Variants in POLR1C observed in about 807,000 individuals in gnomAD.
POLR1C encodes the protein RNA polymerase I and III subunit C, also known as DNA-directed RNA polymerases I and III subunit RPAC1.
Under a neutral mutation model 38.3 loss-of-function variants are expected in POLR1C, and 42 were observed. The ratio of observed to expected loss-of-function variants is 1.10; its 90% CI spans 0.86 to 1.42. The LOEUF (loss-of-function observed/expected upper bound fraction) is 1.42, where lower values mean the gene tolerates loss of function less well. POLR1C is among the 40% of genes most tolerant of loss of function. The probability of loss-of-function intolerance (pLI) is 0.00; values close to 1 mark genes in which losing one functional copy is unlikely to be tolerated. For missense variants in POLR1C, 507 were observed against 450.5 expected (o/e 1.13, Z -1.14); for synonymous variants, 163 against 163.9 (o/e 0.99, Z 0.04).
chr6:43,544,911 C>T (rs568060520), intron 9 of POLR1C, among the ~76,000 whole-genome samples: 2 of 152,242 alleles, frequency 1.3e-5, no homozygotes, highest in East Asian at 1.9e-4. Flanking sequence ...CTCACTCTGT[C>T]GCCCAGGCTG....
intron 10 of POLR1C, among the ~76,000 whole-genome samples, chr6:43,551,829 C>G (rs1217501931): frequency 6.6e-6 from 1 of 152,072 alleles, no homozygotes; most frequent in Non-Finnish European, 1.5e-5. Context: ...CCATGCCTGG[C>G]TAATTTTTTA....
intron 8 of POLR1C, chr6:43,527,214 C>T: frequency 4.8e-6 from 1 of 206,274 alleles, no homozygotes. Flanking sequence ...CTTAGGTTGA[C>T]TTAAGGACTG....
intron 9 of POLR1C, among the ~76,000 whole-genome samples, chr6:43,543,958 T>G (rs1325469961): frequency 6.6e-6 from 1 of 152,216 alleles, no homozygotes; most frequent in Non-Finnish European, 1.5e-5. Flanking sequence ...ATTATAGGCA[T>G]GAGCTACCGC....
At chr6:43,524,715 CAG>C (rs1793442190), downstream of POLR1C, 2 of 1,587,332 alleles carry the variant, frequency 1.3e-6, no homozygotes, top group Non-Finnish European at 1.7e-6. Flanking sequence ...ACCCATTTCT[CAG>C]AGATTGCACC....
chr6:43,547,051 G>C (rs190137607), intron 9 of POLR1C, among the ~76,000 whole-genome samples: 1 of 152,184 alleles, frequency 6.6e-6, no homozygotes, highest in East Asian at 1.9e-4. Flanking sequence ...GCTTAGATAC[G>C]ATCCAAAACA....
At chr6:43,523,409 A>G (rs140347243), downstream of POLR1C, 291 of 296,092 alleles carry the variant, frequency 9.8e-4, 1 homozygote, top group African/African-American at 5.6e-3. Flanking sequence ...CCCAGCAGCA[A>G]AAGGGCTCAG....
At chr6:43,553,297 G>A (rs778429429) in intron 10 of POLR1C, 165 of 1,500,334 alleles carry the variant, frequency 1.1e-4, no homozygotes, top group East Asian at 8.4e-4. Context: ...GAGATATAGC[G>A]TCCCAAAATA....
At chr6:43,555,919 A>C (rs1474721215) in intron 10 of POLR1C, 3 of 1,613,992 alleles carry the variant, frequency 1.9e-6, no homozygotes, top group Non-Finnish European at 1.7e-6. Context: ...TTTGGGATCC[A>C]AACGACATGC....
At chr6:43,520,565 G>T in intron 6 of POLR1C, 60 bp from the exon 7 acceptor site, 1 of 1,598,554 alleles carries the variant, frequency 6.3e-7, no homozygotes, top group Non-Finnish European at 8.6e-7. Flanking sequence ...TAGCTTAGGA[G>T]GAGTATTCTT....
intron 8 of POLR1C, chr6:43,526,664 A>AT: frequency 1.2e-6 from 2 of 1,613,510 alleles, no homozygotes; most frequent in Non-Finnish European, 1.7e-6. Context: ...CAGAACTCCA[A>AT]GGTCTCACAG....
chr6:43,556,133 A>T, intron 10 of POLR1C: 2 of 896,466 alleles, frequency 2.2e-6, no homozygotes. Context: ...TAACGAATCC[A>T]GAAGTTTTTG....
chr6:43,537,135 TAA>T (rs1343160099), intron 9 of POLR1C, among the ~76,000 whole-genome samples: 1 of 137,462 alleles, frequency 7.3e-6, no homozygotes, highest in Non-Finnish European at 1.5e-5. Flanking sequence ...CGTGAATAAT[TAA>T]AACTTTTTTT....
chr6:43,531,520 C>T (rs767082759), downstream of POLR1C: 15 of 1,613,924 alleles, frequency 9.3e-6, no homozygotes, highest in Non-Finnish European at 1.3e-5. Flanking sequence ...GCATTCTTTC[C>T]AAGACGGTTT....
chr6:43,525,271 G>A (rs1793498179), downstream of POLR1C: 3 of 1,481,070 alleles, frequency 2.0e-6, no homozygotes, highest in Non-Finnish European at 2.8e-6. Flanking sequence ...TTTCTCTGAT[G>A]ATTATTACAC....
intron 10 of POLR1C, chr6:43,558,568 G>A: frequency 1.3e-6 from 2 of 1,597,632 alleles, no homozygotes; most frequent in Non-Finnish European, 8.5e-7. Context: ...AGCTAGGGCT[G>A]TCTGTTTTAG....
intron 10 of POLR1C, chr6:43,551,067 C>T (rs143486387): frequency 2.3e-4 from 79 of 343,784 alleles, no homozygotes; most frequent in African/African-American, 1.4e-3. Context: ...TATTAGTTTG[C>T]CTCACATAAT....
intron 10 of POLR1C, among the ~76,000 whole-genome samples, chr6:43,554,615 G>A (rs1038109586): frequency 6.6e-6 from 1 of 151,688 alleles, no homozygotes; most frequent in African/African-American, 2.4e-5. Flanking sequence ...GTAGAGACAG[G>A]GTTTTGCCAT....
At chr6:43,539,308 G>A in intron 9 of POLR1C, 2 of 1,558,774 alleles carry the variant, frequency 1.3e-6, no homozygotes, top group Non-Finnish European at 1.7e-6. Context: ...GGCCACTGTA[G>A]TCCCCGATAG....
At position 43,521,237 on chromosome 6, in the gene POLR1C, C is replaced by G. The variant is rs1561858875; in HGVS notation, c.978C>G (p.Ile326Met). ...CAGATGTGCTGGTGAGTGAAGCCATCAAAGTACTGATGGGGAAGTGCCGGC... is the reference window on the plus strand; with the variant it reads ...CAGATGTGCTGGTGAGTGAAGCCATGAAAGTACTGATGGGGAAGTGCCGGC... ...LPPDVLVSEA[I>M]KVLMGKCRRF... Residue 326 changes from isoleucine (I) to methionine (M), a missense_variant, in exon 9 of 9, where the codon ATC becomes ATG. Ile to Met is a conservative substitution (Grantham distance 10). Transcript: ENST00000642195. 6.2e-7 allele frequency: 1 copy of G among 1,613,732 alleles called. No individual in the cohort carries two copies. The highest frequency in any genetic ancestry group is 8.5e-7 in the Non-Finnish European group (1 of 1,180,032).
Sources: allele counts gnomAD v4.1 joint callset (sites outside exome capture counted in the v4.1 genomes callset), GRCh38; gene constraint gnomAD v4.1.1; transcripts MANE v1.5; gene names NCBI Gene and HGNC (gene_info 2026-07-23, HGNC 2026-07-21).